The following WDR25 variants were observed in gnomAD, a reference collection of about 807,000 sequenced individuals.
WDR25 encodes the protein WD repeat domain 25.
A neutral mutation model predicts 47.7 loss-of-function variants in WDR25; 35 were observed. The observed-to-expected ratio is 0.73, with a 90% CI of 0.56 to 0.97. The LOEUF is 0.97. WDR25 is among the 50% of genes least tolerant of loss of function. The pLI is 0.00. For synonymous variants in WDR25, 248 were observed against 278.9 expected (o/e 0.89, Z 1.10); for missense variants, 634 against 704.7 (o/e 0.90, Z 1.14).
intron 2 of WDR25, among the ~76,000 whole-genome samples, chr14:100,418,217 A>T (rs28699283): frequency 1 from 151,727 of 151,728 alleles, 75,863 homozygotes; most frequent in Non-Finnish European, 1. Flanking sequence ...GTGCTGGGAT[A>T]ACAGGCATGA....
intron 5 of WDR25, among the ~76,000 whole-genome samples, chr14:100,528,595 C>T (rs1267998061): frequency 1.3e-5 from 2 of 152,094 alleles, no homozygotes; most frequent in African/African-American, 2.4e-5. Flanking sequence ...TGAGGCTGCA[C>T]GTGACTGCAT....
Position 100,500,556 on chromosome 14 carries a change from A to G in WDR25, c.1101+16432A>G, listed in dbSNP as rs1900887233. Among the ~76,000 whole-genome samples the G allele has an allele frequency of 6.6e-6, 1 of 152,192 alleles. No homozygotes were observed. The highest frequency in any genetic ancestry group is 2.1e-4 in the South Asian group (1 of 4,830). On this transcript the variant is annotated intron_variant, in intron 4 of 6. Coordinates refer to ENST00000402312, the MANE Select transcript of WDR25 (RefSeq NM_001161476.3). The surrounding 1 kb of genome is among the most constrained non-coding windows in gnomAD (Gnocchi z 4.7). ...ATTAGAGAGATAGACCCCTCCCCTCAGTGCCCTAGTTAGTTTCTCTGGGGC... is the reference window on the plus strand; with the variant it reads ...ATTAGAGAGATAGACCCCTCCCCTCGGTGCCCTAGTTAGTTTCTCTGGGGC...
intron 1 of WDR25, among the ~76,000 whole-genome samples, chr14:100,377,807 G>C (rs1255121454): frequency 6.6e-6 from 1 of 152,138 alleles, no homozygotes; most frequent in African/African-American, 2.4e-5. Flanking sequence ...TTGATTCCAG[G>C]GGACATAGAA....
intron 4 of WDR25, among the ~76,000 whole-genome samples, chr14:100,518,022 G>A (rs967690677): frequency 1.3e-5 from 2 of 151,940 alleles, no homozygotes; most frequent in African/African-American, 4.8e-5. Flanking sequence ...TATAACTTAA[G>A]TGAAAAAATG....
At chr14:100,377,141 G>A (rs12892212) in intron 1 of WDR25, among the ~76,000 whole-genome samples, 53,563 of 152,214 alleles carry the variant, frequency 0.35, 11,759 homozygotes, top group South Asian at 0.66. Context: ...TGGTGCCTGG[G>A]CAGAGGAGTT....
At chr14:100,485,469 T>G (rs1900351956) in intron 4 of WDR25, among the ~76,000 whole-genome samples, 1 of 152,154 alleles carries the variant, frequency 6.6e-6, no homozygotes, top group Admixed American at 6.5e-5. Context: ...ACTGAGTAAA[T>G]GCCAGAGGAA....
In WDR25 at chr14:100,467,909, T is replaced by C. The variant is rs571980741; in HGVS notation, c.823-112T>C. 2.8e-4 allele frequency: 373 copies of C among 1,348,256 alleles called. No individual in the cohort carries two copies. The African/African-American group carries it at 3.0e-3, about 11-fold the overall frequency. 83.5% of individuals were successfully genotyped at this position (1,348,256 alleles called of 1,614,324 possible). ...TCTAGATATAGATTTGATGGTAAAA[T>C]AATGAGAATCTAATTCCACCGAGAC... On this transcript the variant is annotated intron_variant, in intron 2 of 6. Coordinates refer to ENST00000402312, the MANE Select transcript of WDR25 (RefSeq NM_001161476.3).
At chr14:100,382,122 C>T (rs1896916942) in intron 2 of WDR25, 2 of 702,860 alleles carry the variant, frequency 2.8e-6, no homozygotes, top group Admixed American at 2.0e-5. Flanking sequence ...GTGCCTGGTG[C>T]TGTGCTGGTT....
Position 100,481,243 on chromosome 14 carries a change from T to C in WDR25, c.971-2751T>C, listed in dbSNP as rs1444492393. On this transcript the variant is annotated intron_variant, in intron 3 of 6. Coordinates refer to ENST00000402312, the MANE Select transcript of WDR25 (RefSeq NM_001161476.3). ...AAACTGAGGAGAGTCCAGCCTCTGA[T>C]GAAGCAGGAGAGAAAGAAACCAAGT... 10 of 579,094 alleles carry C rather than the reference T, an allele frequency of 1.7e-5. No individual in the cohort carries two copies. The East Asian group carries it at 3.6e-4, about 21-fold the overall frequency. 35.9% of individuals were successfully genotyped at this position (579,094 alleles called of 1,614,324 possible).
rs548241062 is a variant in WDR25 at position 100,523,078 on chromosome 14, C to T, written c.1102-2792C>T. On this transcript the variant is annotated intron_variant, in intron 4 of 6. Coordinates refer to ENST00000402312, the MANE Select transcript of WDR25 (RefSeq NM_001161476.3). The surrounding 1 kb of genome is among the most constrained non-coding windows in gnomAD (Gnocchi z 4.7). The stretch of plus-strand genomic sequence containing the variant: ...AAAGGCTTTTGTGTGTTGCCTCAGC[C>T]CTGCATGCCAGGATGTTGCTGGGAG... Among the ~76,000 whole-genome samples the T allele has an allele frequency of 8.5e-5, 13 of 152,356 alleles. 1 individual carries two copies. In the South Asian group the frequency reaches 2.7e-3, roughly 32 times the overall value.
At chr14:100,390,883 C>G (rs1002478914) in intron 2 of WDR25, among the ~76,000 whole-genome samples, 1 of 152,168 alleles carries the variant, frequency 6.6e-6, no homozygotes, top group Non-Finnish European at 1.5e-5. Context: ...TTAATGGTGT[C>G]TTGTTTGAGA....
chr14:100,494,945 G>T (rs1037041530), intron 4 of WDR25, among the ~76,000 whole-genome samples: 1 of 152,146 alleles, frequency 6.6e-6, no homozygotes. Flanking sequence ...TTAGAGAGCA[G>T]CCTGGGCAAC....
At chr14:100,492,237 G>A (rs140206831) in intron 4 of WDR25, among the ~76,000 whole-genome samples, 22 of 152,336 alleles carry the variant, frequency 1.4e-4, no homozygotes, top group African/African-American at 5.3e-4. Context: ...GGGAGTCCCT[G>A]TGTGTTCCCT....
rs772502690 is a variant in WDR25 at position 100,530,041 on chromosome 14, A to C, written c.1635A>C (p.Ter545CysextTer5). 6.2e-7 allele frequency: 1 copy of C among 1,608,726 alleles called. No individual in the cohort carries two copies. Among genetic ancestry groups the C allele is most frequent in the Non-Finnish European group, 8.5e-7 (1 of 1,176,912 alleles). The change falls in exon 7 of 7, where the codon TGA (stop) becomes TGC (cysteine). Residue 545 changes from the stop codon to cysteine (C), a stop_lost. Transcript: ENST00000402312. The stretch of plus-strand genomic sequence containing the variant: ...GAGGGGACATGAAGATCTGGCACTG[A>C]GCTTTTTGTCACTGAACCTTCCCGA... ...SWGGDMKIWH[*>C]
intron 2 of WDR25, among the ~76,000 whole-genome samples, chr14:100,423,253 C>T (rs1366575422): frequency 2.0e-5 from 3 of 152,076 alleles, no homozygotes; most frequent in Non-Finnish European, 4.4e-5. Flanking sequence ...GTACTGATTT[C>T]CCCCAGCCTG....
intron 2 of WDR25, among the ~76,000 whole-genome samples, chr14:100,458,669 G>A (rs11850064): frequency 0.32 from 48,470 of 151,918 alleles, 9,567 homozygotes; most frequent in African/African-American, 0.56. Context: ...AAGTCTCAGT[G>A]TATCTAAAAA....
intron 2 of WDR25, chr14:100,382,019 A>G: frequency 1.4e-6 from 1 of 702,078 alleles, no homozygotes; most frequent in South Asian, 1.5e-5. Context: ...GGTGAGAGTG[A>G]TTAGTGGGAG....
At chr14:100,390,368 T>TAAAAAGCTGACCTGAC (rs1444891634) in intron 2 of WDR25, among the ~76,000 whole-genome samples, 5 of 150,058 alleles carry the variant, frequency 3.3e-5, no homozygotes, top group African/African-American at 1.2e-4. Context: ...AGGGAGGACC[T>TAAAAAGCTGACCTGAC]AAAAAGCTGA....
chr14:100,518,669 TTGTC>T (rs1323903702), intron 4 of WDR25, among the ~76,000 whole-genome samples: 2 of 152,256 alleles, frequency 1.3e-5, no homozygotes, highest in South Asian at 2.1e-4. Context: ...GGCGGGCAGA[TTGTC>T]TGAGCTCAGG....
Sources: allele counts gnomAD v4.1 joint callset (sites outside exome capture counted in the v4.1 genomes callset), GRCh38; gene constraint gnomAD v4.1.1; non-coding constraint Gnocchi (gnomAD v3.1); transcripts MANE v1.5; gene names NCBI Gene and HGNC (gene_info 2026-07-23, HGNC 2026-07-21).